ZNF710: variants seen among roughly 807,000 people sequenced by gnomAD.
ZNF710 encodes zinc finger protein 710.
A neutral mutation model predicts 50.6 loss-of-function variants in ZNF710; 13 were observed. That is an observed-to-expected ratio of 0.26 (90% CI 0.17 to 0.41). The LOEUF (loss-of-function observed/expected upper bound fraction) is 0.41. Among genes scored for constraint, ZNF710 ranks in the 10% least tolerant of loss-of-function variants. ZNF710 has a pLI of 1.00. For missense variants in ZNF710, 721 were observed against 936.6 expected, an observed-to-expected ratio of 0.77 and a Z score of 3.01; for synonymous variants, 383 against 397.0, an observed-to-expected ratio of 0.96 and a Z score of 0.42.
intron 1 of ZNF710, among the ~76,000 whole-genome samples, chr15:90,027,941 A>C (rs1898827104): frequency 6.6e-6 from 1 of 152,172 alleles, no homozygotes; most frequent in Non-Finnish European, 1.5e-5. Flanking sequence ...CCAAATGGTG[A>C]GCTCCATGAG....
At chr15:90,030,062 G>A (rs944614067) in intron 1 of ZNF710, among the ~76,000 whole-genome samples, 1 of 151,632 alleles carries the variant, frequency 6.6e-6, no homozygotes, top group African/African-American at 2.4e-5. Flanking sequence ...GGGCACAGTG[G>A]CTCACACCTG....
intron 4 of ZNF710, chr15:90,075,334 A>G (rs1427198324): frequency 6.6e-6 from 1 of 152,244 alleles, no homozygotes; most frequent in East Asian, 1.9e-4. Flanking sequence ...CAAACCAGGC[A>G]ACATAGTGAG....
intron 1 of ZNF710, among the ~76,000 whole-genome samples, chr15:90,009,518 C>T (rs954154057): frequency 2.6e-5 from 4 of 152,180 alleles, no homozygotes; most frequent in Middle Eastern, 3.4e-3. Flanking sequence ...AGCAGCCCTG[C>T]CCACCCCTGC....
chr15:90,001,005 G>A (rs117485625), upstream of ZNF710, among the ~76,000 whole-genome samples: 1,236 of 151,872 alleles, frequency 8.1e-3, 60 homozygotes, highest in Admixed American at 0.062. Context: ...AAGAGAGAGA[G>A]AGAAAGAAAG....
intron 2 of ZNF710, 64 bp from the exon 3 acceptor site, chr15:90,073,007 C>T (rs1042753158): frequency 1.3e-6 from 2 of 1,552,882 alleles, no homozygotes; most frequent in African/African-American, 2.7e-5. Context: ...CGGCTCCCCA[C>T]AAAGGGTCAC....
chr15:90,037,902 G>C (rs536525862), intron 1 of ZNF710, among the ~76,000 whole-genome samples: 204 of 152,326 alleles, frequency 1.3e-3, no homozygotes, highest in African/African-American at 4.7e-3. Context: ...TGAGCAGGGA[G>C]AGACGAATTC....
At chr15:90,033,369 C>T (rs770204724) in intron 1 of ZNF710, among the ~76,000 whole-genome samples, 6 of 152,076 alleles carry the variant, frequency 3.9e-5, no homozygotes, top group South Asian at 2.1e-4. Flanking sequence ...AAGTTTGCAG[C>T]GGGAGGTGTG....
rs770876000 is a variant in ZNF710, at chr15:90,068,262, G to C, written c.1125G>C (p.Glu375Asp). 6.2e-7 allele frequency: 1 copy of C among 1,613,258 alleles called. No individual in the cohort carries two copies. Among genetic ancestry groups the C allele is most frequent in the African/African-American group, 1.3e-5 (1 of 75,066 alleles). Residue 375 changes from glutamate (E) to aspartate (D), a missense_variant, in exon 2 of 5, where the codon GAG (glutamate) becomes GAC (aspartate). Coordinates refer to ENST00000268154, the MANE Select transcript of ZNF710 (RefSeq NM_198526.4). The surrounding 1 kb of genome is among the most constrained non-coding windows in gnomAD (Gnocchi z 5.0). The stretch of plus-strand genomic sequence containing the variant: ...AGCGCCACATGCTGCTGCACTCGGA[G>C]GTCAAGCCCTACAGCTGCCACTTCT... The part of the protein sequence containing the change: ...HLKRHMLLHS[E>D]VKPYSCHFCG...
chr15:90,079,229 G>A (rs1011000459), intron 4 of ZNF710, among the ~76,000 whole-genome samples: 3 of 152,206 alleles, frequency 2.0e-5, no homozygotes, highest in Admixed American at 6.5e-5. Flanking sequence ...TGGATGAGGC[G>A]AGGCCTGCGA....
rs188947578 is a variant in ZNF710, at chr15:90,062,815, G to A, written c.-28-4295G>A. On this transcript the variant is annotated intron_variant, in intron 1 of 4. Coordinates refer to ENST00000268154, the MANE Select transcript of ZNF710 (RefSeq NM_198526.4). The surrounding 1 kb of genome is among the most constrained non-coding windows in gnomAD (Gnocchi z 5.6). ...TAAATTAGATTCCCTCCTCAGCAGA[G>A]CCCCTTCTGCATACACACACGCGCG... 1.3e-5 allele frequency among the ~76,000 whole-genome samples: 2 copies of A among 152,270 alleles called. No individual in the cohort carries two copies. Among genetic ancestry groups the A allele is most frequent in the East Asian group, 3.9e-4 (2 of 5,182 alleles).
intron 4 of ZNF710, among the ~76,000 whole-genome samples, chr15:90,077,097 C>T (rs1900608225): frequency 1.3e-5 from 2 of 152,160 alleles, no homozygotes; most frequent in South Asian, 4.1e-4. Context: ...AACTATGGGG[C>T]TGTCATTTGG....
At chr15:90,035,199 A>G (rs894032448) in intron 1 of ZNF710, among the ~76,000 whole-genome samples, 10 of 152,164 alleles carry the variant, frequency 6.6e-5, no homozygotes, top group African/African-American at 1.7e-4. Flanking sequence ...CAACCACACA[A>G]TGGCCCTGGG....
chr15:90,045,889 G>A (rs928807444), intron 1 of ZNF710, among the ~76,000 whole-genome samples: 23 of 152,120 alleles, frequency 1.5e-4, no homozygotes, highest in African/African-American at 4.8e-4. Flanking sequence ...AGGACCTACC[G>A]CATGTCTCGG....
chr15:90,021,151 C>G (rs1898610567), intron 1 of ZNF710, among the ~76,000 whole-genome samples: 2 of 152,192 alleles, frequency 1.3e-5, no homozygotes, highest in Non-Finnish European at 1.5e-5. Context: ...GGGGAGCTCT[C>G]TCAACTGCGT....
At chr15:90,036,316 T>C (rs1034751491) in intron 1 of ZNF710, among the ~76,000 whole-genome samples, 4 of 147,462 alleles carry the variant, frequency 2.7e-5, no homozygotes, top group Admixed American at 7.0e-5. Flanking sequence ...AGGTTTGCTG[T>C]ATAACATTTC....
intron 1 of ZNF710, among the ~76,000 whole-genome samples, chr15:90,016,606 T>C (rs1898463292): frequency 6.6e-6 from 1 of 152,120 alleles, no homozygotes; most frequent in Admixed American, 6.5e-5. Context: ...CATGCCTGGC[T>C]CATTTTTAAA....
At chr15:90,000,569 G>C (rs972600488), upstream of ZNF710, among the ~76,000 whole-genome samples, 4 of 152,120 alleles carry the variant, frequency 2.6e-5, no homozygotes, top group Admixed American at 2.0e-4. Context: ...GGGCCCTGGC[G>C]CTCGGAGCCC....
At chr15:90,023,606 C>T (rs1042161978) in intron 1 of ZNF710, among the ~76,000 whole-genome samples, 6 of 152,088 alleles carry the variant, frequency 3.9e-5, no homozygotes, top group Non-Finnish European at 7.4e-5. Context: ...ATCTCTTGAG[C>T]CCAAGAGTTC....
rs1237864027 is a variant in ZNF710, at chr15:90,067,380, G to A, written c.243G>A (p.Glu81=). 6.3e-7 allele frequency: 1 copy of A among 1,597,430 alleles called. No individual in the cohort carries two copies. The highest frequency in any genetic ancestry group is 2.3e-5 in the East Asian group (1 of 44,038). Residue 81 remains glutamate, a synonymous_variant, in exon 2 of 5, where the codon GAG becomes GAA. Transcript: ENST00000268154. This position sits in a 1 kb window ranked among gnomAD's most constrained non-coding sequence, Gnocchi z 8.1. Reference sequence around the variant, plus strand: ...GGAGGGCCTTGGAGGAGCCGGCGGAGGAGGAGGTGCTGGAGGTGGAGGCAG... The same window carrying A: ...GGAGGGCCTTGGAGGAGCCGGCGGAAGAGGAGGTGCTGGAGGTGGAGGCAG... The part of the protein sequence containing the change: ...CNGRALEEPA[E]EEVLEVEAAC...
Sources: allele counts gnomAD v4.1 joint callset (sites outside exome capture counted in the v4.1 genomes callset), GRCh38; gene constraint gnomAD v4.1.1; non-coding constraint Gnocchi (gnomAD v3.1); transcripts MANE v1.5; gene names NCBI Gene and HGNC (gene_info 2026-07-23, HGNC 2026-07-21).